GRIN2A: variants seen among roughly 807,000 people sequenced by gnomAD.
The protein encoded by GRIN2A is glutamate receptor ionotropic, NMDA 2A.
In GRIN2A, 22 loss-of-function variants were observed where a neutral mutation model predicts 113.4. The ratio of observed to expected loss-of-function variants is 0.19; its 90% CI spans 0.14 to 0.28. The LOEUF is 0.28. Among genes scored for constraint, GRIN2A ranks in the 10% least tolerant of loss-of-function variants. The pLI, the probability that GRIN2A is intolerant of heterozygous loss-of-function variation, is 1.00. For synonymous variants in GRIN2A, 827 were observed against 738.4 expected, an observed-to-expected ratio of 1.12 and a Z score of -1.94; for missense variants, 1,502 against 1,887.0, an observed-to-expected ratio of 0.80 and a Z score of 3.78.
chr16:10,112,685 G>A, intron 2 of GRIN2A: 2 of 753,568 alleles, frequency 2.7e-6, no homozygotes, highest in Non-Finnish European at 4.9e-6. Flanking sequence ...AGGGGGAAAA[G>A]GTGAATATTG....
At chr16:10,149,312 T>C (rs752262249) in intron 2 of GRIN2A, among the ~76,000 whole-genome samples, 8 of 152,224 alleles carry the variant, frequency 5.3e-5, no homozygotes, top group Non-Finnish European at 1.2e-4. Flanking sequence ...TTTGCATGCC[T>C]CTGTCAAAAT....
At chr16:9,903,828 C>T (rs188308906) in intron 3 of GRIN2A, among the ~76,000 whole-genome samples, 2 of 152,322 alleles carry the variant, frequency 1.3e-5, no homozygotes, top group Non-Finnish European at 2.9e-5. Context: ...CCCTTTACTA[C>T]CATTTGCCAA....
At chr16:9,790,606 T>G (rs774222450) in intron 11 of GRIN2A, among the ~76,000 whole-genome samples, 1 of 152,148 alleles carries the variant, frequency 6.6e-6, no homozygotes, top group Non-Finnish European at 1.5e-5. Flanking sequence ...AATGGAGGAA[T>G]TTGCCTCTAT....
chr16:9,867,392 C>A (rs970763813), intron 4 of GRIN2A, among the ~76,000 whole-genome samples: 3 of 152,196 alleles, frequency 2.0e-5, no homozygotes, highest in Admixed American at 1.3e-4. Flanking sequence ...GCTGATGAAT[C>A]TGCCTCTTAT....
Position 9,763,922 on chromosome 16 carries a change from G to T in GRIN2A, c.3622C>A (p.Arg1208=), listed in dbSNP as rs78544202. 1,550 of 1,614,060 alleles carry T rather than the reference G, an allele frequency of 9.6e-4. 32 individuals are homozygous for T. The East Asian group carries it at 0.031, about 32-fold the overall frequency. Residue 1208 remains arginine (R), a synonymous_variant, in exon 13 of 13, where the codon CGG becomes AGG. Coordinates refer to ENST00000330684, the MANE Select transcript of GRIN2A (RefSeq NM_001134407.3). ...CTTCTGCAGTGCGTGGAGTTCTGCC[G>T]GTATCGCTCGCTGGTCTCACTGTGC... The part of the protein sequence containing the change: ...SPHSETSERY[R]QNSTHCRSCL...
intron 4 of GRIN2A, among the ~76,000 whole-genome samples, chr16:9,869,019 C>T (rs972323474): frequency 6.6e-6 from 1 of 152,142 alleles, no homozygotes; most frequent in Admixed American, 6.5e-5. Flanking sequence ...TAGTGTGAGA[C>T]CTGCACACTC....
intron 2 of GRIN2A, among the ~76,000 whole-genome samples, chr16:10,132,479 A>G (rs1387396881): frequency 6.6e-6 from 1 of 152,184 alleles, no homozygotes; most frequent in Non-Finnish European, 1.5e-5. Context: ...CCACTAGGTC[A>G]TCCTACGTCA....
intron 2 of GRIN2A, among the ~76,000 whole-genome samples, chr16:10,018,302 T>C (rs1428201731): frequency 6.6e-6 from 1 of 152,160 alleles, no homozygotes; most frequent in African/African-American, 2.4e-5. Context: ...AGAATTCTGA[T>C]CTCAGTAAGG....
At chr16:10,155,827 A>G (rs999737715) in intron 2 of GRIN2A, among the ~76,000 whole-genome samples, 1 of 152,176 alleles carries the variant, frequency 6.6e-6, no homozygotes, top group African/African-American at 2.4e-5. Flanking sequence ...CTTATTCACT[A>G]TCACGAAAAC....
At chr16:10,120,030 G>T (rs2048805038) in intron 2 of GRIN2A, among the ~76,000 whole-genome samples, 2 of 152,142 alleles carry the variant, frequency 1.3e-5, no homozygotes, top group Admixed American at 1.3e-4. Flanking sequence ...TGTGAATAGG[G>T]CTGCAGAATA....
At chr16:9,931,720 G>T (rs1162429494) in intron 3 of GRIN2A, among the ~76,000 whole-genome samples, 2 of 152,120 alleles carry the variant, frequency 1.3e-5, no homozygotes, top group East Asian at 1.9e-4. Context: ...TGTGGAATAA[G>T]AAACACATAT....
chr16:9,888,299 GT>G (rs1333233480), intron 4 of GRIN2A, among the ~76,000 whole-genome samples: 28 of 152,192 alleles, frequency 1.8e-4, no homozygotes, highest in African/African-American at 6.8e-4. Flanking sequence ...TTTTGATGAA[GT>G]ACAGTTTATT....
intron 2 of GRIN2A, among the ~76,000 whole-genome samples, chr16:10,079,458 A>G (rs2047938514): frequency 6.6e-6 from 1 of 152,170 alleles, no homozygotes; most frequent in South Asian, 2.1e-4. Flanking sequence ...TATCCCTCCA[A>G]AATTCAGATG....
At chr16:10,011,220 T>C (rs1473196912) in intron 2 of GRIN2A, among the ~76,000 whole-genome samples, 1 of 152,216 alleles carries the variant, frequency 6.6e-6, no homozygotes, top group Admixed American at 6.5e-5. Flanking sequence ...AACTAAGTTT[T>C]TAATGCTAAG....
intron 11 of GRIN2A, among the ~76,000 whole-genome samples, chr16:9,773,262 T>C (rs1901393188): frequency 6.6e-6 from 1 of 152,220 alleles, no homozygotes; most frequent in South Asian, 2.1e-4. Context: ...GTTTAGTGAG[T>C]TATTCTGCCA....
chr16:10,139,181 G>T (rs2142247789), intron 2 of GRIN2A, among the ~76,000 whole-genome samples: 1 of 152,288 alleles, frequency 6.6e-6, no homozygotes, highest in South Asian at 2.1e-4. Context: ...TGAGACCTAG[G>T]GGTGGAAGCT....
intron 2 of GRIN2A, among the ~76,000 whole-genome samples, chr16:9,947,297 G>T (rs1243045615): frequency 6.6e-6 from 1 of 152,056 alleles, no homozygotes; most frequent in Non-Finnish European, 1.5e-5. Flanking sequence ...CAAAGACTCT[G>T]ACAGCCACAA....
At chr16:9,794,036 C>T (rs1053442744) in intron 11 of GRIN2A, among the ~76,000 whole-genome samples, 6 of 152,306 alleles carry the variant, frequency 3.9e-5, no homozygotes, top group South Asian at 2.1e-4. Context: ...TGTTGGGTAT[C>T]GATGCTGAGC....
At chr16:10,095,063 G>C (rs1238543281) in intron 2 of GRIN2A, among the ~76,000 whole-genome samples, 1 of 152,008 alleles carries the variant, frequency 6.6e-6, no homozygotes, top group Non-Finnish European at 1.5e-5. Flanking sequence ...TGGTGAACTT[G>C]TAAGTAGAGG....
Sources: gnomAD v4.1 joint callset for allele counts (sites outside exome capture counted in the v4.1 genomes callset) on GRCh38, gnomAD v4.1.1 for gene constraint, MANE v1.5 for transcripts, NCBI Gene and HGNC (gene_info 2026-07-23, HGNC 2026-07-21) for gene names.